MAGI2: variants seen among roughly 807,000 people sequenced by gnomAD.
MAGI2 encodes the protein membrane-associated guanylate kinase, WW and PDZ domain-containing protein 2.
MAGI2 carries 35 observed loss-of-function variants against 133.3 expected under a neutral mutation model. The ratio of observed to expected loss-of-function variants is 0.26; its 90% CI spans 0.20 to 0.35. MAGI2 has a LOEUF of 0.35. Among genes scored for constraint, MAGI2 ranks in the 10% least tolerant of loss-of-function variants. The pLI is 1.00. For missense variants in MAGI2, 1,636 were observed against 1,863.4 expected, an observed-to-expected ratio of 0.88 and a Z score of 2.25; for synonymous variants, 729 against 710.6, an observed-to-expected ratio of 1.03 and a Z score of -0.41.
intron 3 of MAGI2, among the ~76,000 whole-genome samples, chr7:78,533,549 C>CTG: frequency 6.6e-6 from 1 of 152,202 alleles, no homozygotes; most frequent in South Asian, 2.1e-4. Flanking sequence ...GACCCAGTAT[C>CTG]TGAGAAGGTA....
At position 78,627,854 on chromosome 7, in the gene MAGI2, A is replaced by T. The variant is rs1808539384; in HGVS notation, c.419-615T>A. On this transcript the variant is annotated intron_variant, in intron 2 of 21. Coordinates refer to ENST00000354212, the MANE Select transcript of MAGI2 (RefSeq NM_012301.4). ...TAAATTGCAGTAGTGTGAGGCTGGG[A>T]ATATAGTATCTAATCTGACAGGAGA... 2.0e-5 allele frequency among the ~76,000 whole-genome samples: 3 copies of T among 152,182 alleles called. No homozygotes were observed. In the East Asian group the frequency reaches 5.8e-4, roughly 29 times the overall value.
intron 5 of MAGI2, among the ~76,000 whole-genome samples, chr7:78,498,140 G>A (rs761009748): frequency 1.5e-3 from 225 of 152,082 alleles, no homozygotes; most frequent in Non-Finnish European, 2.9e-3. Context: ...TAGATTTTAA[G>A]TGTTCTCAAC....
intron 1 of MAGI2, among the ~76,000 whole-genome samples, chr7:79,442,571 A>G (rs979758739): frequency 2.4e-4 from 37 of 152,040 alleles, no homozygotes; most frequent in African/African-American, 7.7e-4. Flanking sequence ...AAGCATAGGA[A>G]CTTCCAACTA....
rs960049129 is a variant in MAGI2 at position 78,018,136 on chromosome 7, G to C, written c.*1179C>G. On this transcript the variant is annotated 3_prime_UTR_variant, in exon 22 of 22. Coordinates refer to ENST00000354212, the MANE Select transcript of MAGI2 (RefSeq NM_012301.4). ...CTAGAAGTTGCTAACAAAATAAAGTGGCAAGGAATACAAGACGAAAGAAAA... is the reference window on the plus strand; with the variant it reads ...CTAGAAGTTGCTAACAAAATAAAGTCGCAAGGAATACAAGACGAAAGAAAA... 6.6e-6 allele frequency: 1 copy of C among 152,122 alleles called. No homozygotes were observed. Among genetic ancestry groups the C allele is most frequent in the Non-Finnish European group, 1.5e-5 (1 of 68,020 alleles). The allele number at this position is 152,122 out of a possible 1,614,324, so 9.4% of individuals were successfully genotyped here.
intron 2 of MAGI2, among the ~76,000 whole-genome samples, chr7:78,993,071 G>T (rs139251228): frequency 1.3e-5 from 2 of 152,012 alleles, no homozygotes; most frequent in Admixed American, 1.3e-4. Flanking sequence ...AATAAAAAAT[G>T]AACAAAAACT....
At chr7:78,956,610 G>A (rs1413801440) in intron 2 of MAGI2, among the ~76,000 whole-genome samples, 2 of 152,148 alleles carry the variant, frequency 1.3e-5, no homozygotes, top group Admixed American at 6.5e-5. Context: ...CTTGTAGTGT[G>A]GCTAAGACAT....
intron 20 of MAGI2, among the ~76,000 whole-genome samples, chr7:78,103,148 T>A (rs1818351644): frequency 6.6e-6 from 1 of 152,238 alleles, no homozygotes; most frequent in South Asian, 2.1e-4. Context: ...TCTTTCCCAC[T>A]GCAGATGATC....
At chr7:78,054,508 G>A (rs913719104) in intron 21 of MAGI2, among the ~76,000 whole-genome samples, 2 of 151,930 alleles carry the variant, frequency 1.3e-5, no homozygotes, top group Admixed American at 6.6e-5. Context: ...CTCACTCTAC[G>A]GACATTCTCC....
intron 2 of MAGI2, among the ~76,000 whole-genome samples, chr7:78,968,030 C>T (rs1390075417): frequency 6.6e-6 from 1 of 152,014 alleles, no homozygotes; most frequent in Non-Finnish European, 1.5e-5. Flanking sequence ...GGGGTTTCAC[C>T]ATGTTGGCCA....
intron 2 of MAGI2, among the ~76,000 whole-genome samples, chr7:78,772,291 T>C (rs1171069988): frequency 6.6e-6 from 1 of 152,204 alleles, no homozygotes; most frequent in Admixed American, 6.5e-5. Context: ...AATCAGTCAT[T>C]TTTTTGAACA....
chr7:78,969,951 G>A (rs1279499130), intron 2 of MAGI2, among the ~76,000 whole-genome samples: 19 of 151,968 alleles, frequency 1.3e-4, no homozygotes, highest in Non-Finnish European at 2.6e-4. Flanking sequence ...ACTGAGGCAT[G>A]GAGATATTAT....
intron 1 of MAGI2, among the ~76,000 whole-genome samples, chr7:79,235,592 A>G (rs1305637262): frequency 2.0e-5 from 3 of 152,148 alleles, no homozygotes; most frequent in African/African-American, 4.8e-5. Context: ...TTGACTCGGA[A>G]AGGGAACTCC....
intron 2 of MAGI2, among the ~76,000 whole-genome samples, chr7:78,673,831 C>G (rs1814685570): frequency 6.6e-6 from 1 of 152,134 alleles, no homozygotes; most frequent in African/African-American, 2.4e-5. Flanking sequence ...GTGGCCTGGT[C>G]AAGCTGGCAT....
intron 3 of MAGI2, among the ~76,000 whole-genome samples, chr7:78,596,199 G>T (rs1563219661): frequency 1.2e-5 from 1 of 84,798 alleles, no homozygotes; most frequent in Non-Finnish European, 2.7e-5. Context: ...AGGGAGGGAG[G>T]GAAGGAATGA....
chr7:78,900,272 G>A (rs1797520486), intron 2 of MAGI2, among the ~76,000 whole-genome samples: 1 of 152,066 alleles, frequency 6.6e-6, no homozygotes. Context: ...ATTTGTCAAG[G>A]ATATTTTTAA....
chr7:78,727,696 G>T (rs1273379888), intron 2 of MAGI2, among the ~76,000 whole-genome samples: 1 of 152,202 alleles, frequency 6.6e-6, no homozygotes, highest in Non-Finnish European at 1.5e-5. Flanking sequence ...AAACGCTATA[G>T]ACAAGAAACT....
intron 2 of MAGI2, among the ~76,000 whole-genome samples, chr7:78,926,846 T>G (rs1266200830): frequency 6.6e-6 from 1 of 151,860 alleles, no homozygotes; most frequent in Admixed American, 6.6e-5. Flanking sequence ...TTTTTCCTTT[T>G]GCAAAAGTGG....
chr7:78,335,712 T>G (rs1789690836), intron 9 of MAGI2, among the ~76,000 whole-genome samples: 1 of 152,212 alleles, frequency 6.6e-6, no homozygotes, highest in Admixed American at 6.5e-5. Context: ...TCCTCCATAG[T>G]ACCTAACATG....
At chr7:78,142,011 A>G (rs1822814118) in intron 16 of MAGI2, among the ~76,000 whole-genome samples, 1 of 152,208 alleles carries the variant, frequency 6.6e-6, no homozygotes, top group Admixed American at 6.5e-5. Context: ...ATCTCACGAC[A>G]TTAGGAATTG....
Sources: gnomAD v4.1 joint callset for allele counts (sites outside exome capture counted in the v4.1 genomes callset) on GRCh38, gnomAD v4.1.1 for gene constraint, MANE v1.5 for transcripts, NCBI Gene and HGNC (gene_info 2026-07-23, HGNC 2026-07-21) for gene names.